The following CSMD1 variants were observed in gnomAD, a reference collection of about 807,000 sequenced individuals.
The protein encoded by CSMD1 is CUB and Sushi multiple domains 1, also known as CUB and sushi domain-containing protein 1.
CSMD1 carries 213 observed loss-of-function variants against 417.5 expected under a neutral mutation model. The ratio of observed to expected loss-of-function variants is 0.51; its 90% CI spans 0.46 to 0.57. The LOEUF (loss-of-function observed/expected upper bound fraction) is 0.57. Ranked by LOEUF, CSMD1 falls within the 20% of genes least tolerant of loss-of-function variation. The pLI is 0.00. For missense variants in CSMD1, 6,923 were observed against 4,529.7 expected (o/e 1.53, Z -15.17); for synonymous variants, 2,862 against 1,736.8 (o/e 1.65, Z -16.11).
At chr8:3,424,579 G>C (rs1021602270) in intron 12 of CSMD1, among the ~76,000 whole-genome samples, 4 of 152,140 alleles carry the variant, frequency 2.6e-5, no homozygotes, top group Non-Finnish European at 4.4e-5. Context: ...AAAACAATAT[G>C]ACTTCAAAAA....
intron 1 of CSMD1, among the ~76,000 whole-genome samples, chr8:4,833,451 T>C (rs1043795614): frequency 6.6e-6 from 1 of 152,164 alleles, no homozygotes; most frequent in Non-Finnish European, 1.5e-5. Context: ...CACCTCTCAC[T>C]AGGACCCTAC....
At chr8:4,797,710 T>C (rs572620462) in intron 1 of CSMD1, among the ~76,000 whole-genome samples, 2 of 152,308 alleles carry the variant, frequency 1.3e-5, no homozygotes, top group African/African-American at 4.8e-5. Context: ...GCAACAAAGA[T>C]ACCTCCTTAA....
At chr8:3,101,641 G>A (rs1461366215) in intron 46 of CSMD1, among the ~76,000 whole-genome samples, 1 of 151,870 alleles carries the variant, frequency 6.6e-6, no homozygotes, top group African/African-American at 2.4e-5. Flanking sequence ...TACCCAGGAT[G>A]GTCTCGATCT....
At chr8:4,023,377 G>C (rs979311217) in intron 4 of CSMD1, among the ~76,000 whole-genome samples, 1 of 152,070 alleles carries the variant, frequency 6.6e-6, no homozygotes, top group African/African-American at 2.4e-5. Context: ...ACAATGCCCT[G>C]GTCCAAATGT....
At chr8:4,128,026 A>G (rs1038778879) in intron 3 of CSMD1, among the ~76,000 whole-genome samples, 1 of 152,148 alleles carries the variant, frequency 6.6e-6, no homozygotes, top group African/African-American at 2.4e-5. Context: ...ACCACATTTT[A>G]TATTCTTCAG....
At chr8:3,341,843 G>C (rs994792609) in intron 23 of CSMD1, among the ~76,000 whole-genome samples, 1 of 152,168 alleles carries the variant, frequency 6.6e-6, no homozygotes, top group South Asian at 2.1e-4. Context: ...GACTAGTGTA[G>C]GGGCAAGGAA....
At chr8:4,560,732 C>T (rs1387978338) in intron 2 of CSMD1, among the ~76,000 whole-genome samples, 5 of 152,156 alleles carry the variant, frequency 3.3e-5, no homozygotes, top group African/African-American at 1.2e-4. Context: ...TGAGACTCTT[C>T]GGTTCCCATC....
chr8:3,804,239 A>T (rs534817130), intron 5 of CSMD1, among the ~76,000 whole-genome samples: 1 of 152,246 alleles, frequency 6.6e-6, no homozygotes, highest in African/African-American at 2.4e-5. Flanking sequence ...GCCTAGAGAC[A>T]AAATTTTAAA....
At chr8:3,984,935 T>G (rs1274954674) in intron 5 of CSMD1, among the ~76,000 whole-genome samples, 2 of 151,978 alleles carry the variant, frequency 1.3e-5, no homozygotes, top group Admixed American at 6.6e-5. Context: ...ATTATAAGCC[T>G]TTAAAATTAA....
At chr8:4,118,112 T>A (rs1425188384) in intron 3 of CSMD1, among the ~76,000 whole-genome samples, 1 of 151,966 alleles carries the variant, frequency 6.6e-6, no homozygotes, top group Non-Finnish European at 1.5e-5. Context: ...TGTTTGCAGG[T>A]GTACAGAATA....
At chr8:3,992,616 T>C (rs1814844344) in intron 5 of CSMD1, among the ~76,000 whole-genome samples, 1 of 152,112 alleles carries the variant, frequency 6.6e-6, no homozygotes, top group Non-Finnish European at 1.5e-5. Flanking sequence ...CGTCCGTGTG[T>C]CTACAAAAAA....
chr8:4,173,229 T>G (rs765871692), intron 3 of CSMD1, among the ~76,000 whole-genome samples: 1 of 152,178 alleles, frequency 6.6e-6, no homozygotes, highest in African/African-American at 2.4e-5. Flanking sequence ...AACTCTTTAA[T>G]GCAAGCTTGT....
chr8:4,322,201 T>C (rs952862851), intron 3 of CSMD1, among the ~76,000 whole-genome samples: 1 of 152,374 alleles, frequency 6.6e-6, no homozygotes, highest in Non-Finnish European at 1.5e-5. Flanking sequence ...CCTTTCACTC[T>C]ATGGTTCCAT....
chr8:3,502,188 C>A (rs6999914), intron 10 of CSMD1, among the ~76,000 whole-genome samples: 3,174 of 151,836 alleles, frequency 0.021, 77 homozygotes, highest in African/African-American at 0.055. Flanking sequence ...CGTGGTGAAA[C>A]CCCGTCTCTA....
At chr8:3,556,552 C>CCTCT (rs9314500) in intron 10 of CSMD1, among the ~76,000 whole-genome samples, 64 of 139,756 alleles carry the variant, frequency 4.6e-4, no homozygotes, top group Middle Eastern at 3.6e-3. Flanking sequence ...ACACACACAC[C>CCTCT]CTCTCTCTCT....
intron 7 of CSMD1, among the ~76,000 whole-genome samples, chr8:3,692,307 C>G (rs1174877962): frequency 6.6e-6 from 1 of 152,202 alleles, no homozygotes; most frequent in Non-Finnish European, 1.5e-5. Context: ...CACTGAACTT[C>G]AAGTTATGAC....
rs7821420 is a variant in CSMD1 at position 4,746,966 on chromosome 8, G to A, written c.86-109408C>T. 7.4e-3 allele frequency among the ~76,000 whole-genome samples: 1,123 copies of A among 152,240 alleles called. 13 individuals carry two copies. Among genetic ancestry groups the A allele is most frequent in the Middle Eastern group, 0.034 (10 of 294 alleles). ...AAATGCCATCCCAAATTAGAGAGAG[G>A]GAAGAACAGGAATAATTTCTCAAGC... On this transcript the variant is annotated intron_variant, in intron 1 of 69. Coordinates refer to ENST00000635120, the MANE Select transcript of CSMD1 (RefSeq NM_033225.6).
At chr8:4,971,974 G>T (rs534593158) in intron 1 of CSMD1, among the ~76,000 whole-genome samples, 1 of 152,104 alleles carries the variant, frequency 6.6e-6, no homozygotes, top group Non-Finnish European at 1.5e-5. Flanking sequence ...ATAAACAGGT[G>T]TTAGTGATCA....
chr8:3,727,803 G>C (rs1802581042), intron 6 of CSMD1, among the ~76,000 whole-genome samples: 1 of 152,188 alleles, frequency 6.6e-6, no homozygotes, highest in Non-Finnish European at 1.5e-5. Context: ...GGAAACGCAG[G>C]TACATGCCAC....
Sources: allele counts gnomAD v4.1 joint callset (sites outside exome capture counted in the v4.1 genomes callset), GRCh38; gene constraint gnomAD v4.1.1; transcripts MANE v1.5; gene names NCBI Gene and HGNC (gene_info 2026-07-23, HGNC 2026-07-21).